The following TARBP2 variants were observed in gnomAD, a reference collection of about 807,000 sequenced individuals.
TARBP2 encodes the protein RISC-loading complex subunit TARBP2.
TARBP2 carries 23 observed loss-of-function variants against 40.4 expected under a neutral mutation model. That is an observed-to-expected ratio of 0.57 (90% confidence interval 0.41 to 0.81). The LOEUF (loss-of-function observed/expected upper bound fraction) is 0.81. Among genes scored for constraint, TARBP2 ranks in the 30% least tolerant of loss-of-function variants. The pLI is 0.00. For synonymous variants in TARBP2, 183 were observed against 190.5 expected (o/e 0.96, Z 0.32); for missense variants, 358 against 473.7 (o/e 0.76, Z 2.27).
chr12:53,502,817 G>A, intron 2 of TARBP2: 1 of 455,040 alleles, frequency 2.2e-6, no homozygotes, highest in Non-Finnish European at 3.9e-6. Flanking sequence ...CAGAAGTCCT[G>A]CTTGGCATGG....
chr12:53,505,533 G>C lies in TARBP2; in HGVS notation c.742-116G>C, dbSNP rs1159305732. 8.3e-7 allele frequency: 1 copy of C among 1,200,462 alleles called. No individual in the cohort carries two copies. The highest frequency in any genetic ancestry group is 1.2e-6 in the Non-Finnish European group (1 of 834,864). The allele number at this position is 1,200,462 out of a possible 1,614,324, so 74.4% of individuals were successfully genotyped here. ...GGGGCCACCCAGGGATTGACTGGGG[G>C]GAGGCAAGCTGGAGGAAGCATTCTT... On this transcript the variant is annotated intron_variant, in intron 7 of 8. Transcript: ENST00000266987. The surrounding 1 kb of genome is among the most constrained non-coding windows in gnomAD (Gnocchi z 4.5).
Position 53,503,081 on chromosome 12 carries a change from A to G in TARBP2, c.278A>G (p.Lys93Arg), listed in dbSNP as rs1170948533. ...CACAAGGCAGCTGAGGTGGCCCTCA[A>G]ACACCTCAAAGGGGGGAGCATGCTG... ...AKHKAAEVAL[K>R]HLKGGSMLEP... Residue 93 changes from lysine (K) to arginine (R), a missense_variant, in exon 3 of 9, where the codon AAA becomes AGA. Coordinates refer to ENST00000266987, the MANE Select transcript of TARBP2 (RefSeq NM_134323.2). 6.4e-7 allele frequency: 1 copy of G among 1,551,026 alleles called. No individual in the cohort carries two copies. Among genetic ancestry groups the G allele is most frequent in the South Asian group, 1.2e-5 (1 of 83,910 alleles).
chr12:53,501,962 T>C, intron 1 of TARBP2, 53 bp from the exon 2 acceptor site: 1 of 1,605,858 alleles, frequency 6.2e-7, no homozygotes, highest in East Asian at 2.2e-5. Flanking sequence ...AGTGCTTGGC[T>C]AGGTGGGTGC....
chr12:53,501,734 CTG>C, intron 1 of TARBP2: 1 of 1,424,754 alleles, frequency 7.0e-7, no homozygotes, highest in Non-Finnish European at 9.2e-7. Flanking sequence ...CTGGCTTGCA[CTG>C]TGTCAGGGGG....
At chr12:53,504,907 C>A in intron 6 of TARBP2, 92 bp downstream of exon 6, 1 of 1,507,442 alleles carries the variant, frequency 6.6e-7, no homozygotes, top group Non-Finnish European at 9.1e-7. Context: ...CTGCTACACC[C>A]CCTGCTCTCT....
rs778770074 is a variant in TARBP2, at chr12:53,505,273, C to T, written c.741+11C>T. 4.4e-6 allele frequency: 7 copies of T among 1,580,460 alleles called. No individual in the cohort carries two copies. The East Asian group carries it at 6.8e-5, about 15-fold the overall frequency. ...GACCACTTCTCCATTGTGAGTGGCT[C>T]ATGTGGGCCGGGCACCGTGGCCCAT... On this transcript the variant is annotated intron_variant, in intron 7 of 8. Coordinates refer to ENST00000266987, the MANE Select transcript of TARBP2 (RefSeq NM_134323.2). The surrounding 1 kb of genome is among the most constrained non-coding windows in gnomAD (Gnocchi z 4.5).
Position 53,505,536 on chromosome 12 carries a change from GGCAAGCTGGAGGAA to G in TARBP2, c.742-109_742-96del. On this transcript the variant is annotated intron_variant, in intron 7 of 8. Coordinates refer to ENST00000266987, the MANE Select transcript of TARBP2 (RefSeq NM_134323.2). This position sits in a 1 kb window ranked among gnomAD's most constrained non-coding sequence, Gnocchi z 4.5. ...GCCACCCAGGGATTGACTGGGGGGA[GGCAAGCTGGAGGAA>G]GCATTCTTTGTGCTTTGTTCTCCTT... 3 of 1,226,278 alleles carry G rather than the reference GGCAAGCTGGAGGAA, an allele frequency of 2.4e-6. No homozygotes were observed. Among genetic ancestry groups the G allele is most frequent in the Non-Finnish European group, 3.5e-6 (3 of 857,624 alleles). The allele number at this position is 1,226,278 out of a possible 1,614,324, so 76.0% of individuals were successfully genotyped here. A position where few individuals can be genotyped will look rare whatever the true frequency, so the allele number is the denominator to read the frequency against.
In TARBP2 at chr12:53,503,255, C is replaced by T. The variant is rs1943800076; in HGVS notation, c.326+126C>T. 2.8e-6 allele frequency: 4 copies of T among 1,418,842 alleles called. No homozygotes were observed. In the African/African-American group the frequency reaches 4.4e-5, roughly 16 times the overall value. 87.9% of individuals were successfully genotyped at this position (1,418,842 alleles called of 1,614,324 possible). Reference sequence around the variant, plus strand: ...TGACCTGGCCTCTTCCTGAGAGTCCCTCTGGACCTGAACAGGGTTTTCCAG... The same window carrying T: ...TGACCTGGCCTCTTCCTGAGAGTCCTTCTGGACCTGAACAGGGTTTTCCAG... On this transcript the variant is annotated intron_variant, in intron 3 of 8. Coordinates refer to ENST00000266987, the MANE Select transcript of TARBP2 (RefSeq NM_134323.2).
In TARBP2 at chr12:53,504,702, T is replaced by A; in HGVS notation, c.500T>A (p.Leu167Gln). ...ECNPVGALQELVVQKGWRLPE... is the reference protein window; with the variant it reads ...ECNPVGALQEQVVQKGWRLPE... The stretch of plus-strand genomic sequence containing the variant: ...ACCCTGTGTCTCCCTTCCAAGGAGC[T>A]GGTGGTGCAGAAAGGCTGGCGGTTG... Residue 167 changes from leucine to glutamine, a missense_variant, in exon 6 of 9, where the codon CTG becomes CAG. Leu to Gln is a moderately radical substitution (Grantham distance 113). Transcript: ENST00000266987. 1 of 1,614,172 alleles carries A rather than the reference T, an allele frequency of 6.2e-7. No individual in the cohort carries two copies. Among genetic ancestry groups the A allele is most frequent in the Non-Finnish European group, 8.5e-7 (1 of 1,180,036 alleles).
rs1943866903 is a variant in TARBP2, at chr12:53,504,431, C to T, written c.457C>T (p.Pro153Ser). ...CATGGAACTGCAGCCCCCTGTCTCCCCTCAGCAGTCTGAGTGCAACCCCGT... is the reference window on the plus strand; with the variant it reads ...CATGGAACTGCAGCCCCCTGTCTCCTCTCAGCAGTCTGAGTGCAACCCCGT... ...PPMELQPPVSPQQSECNPVGA... is the reference protein window; with the variant it reads ...PPMELQPPVSSQQSECNPVGA... The change falls in exon 5 of 9, where the codon CCT becomes TCT. Residue 153 changes from proline to serine, a missense_variant. Physicochemically the swap from Pro to Ser is moderately conservative, Grantham distance 74 (BLOSUM62 -1). Transcript: ENST00000266987. 2 of 1,612,690 alleles carry T rather than the reference C, an allele frequency of 1.2e-6. No homozygotes were observed. The highest frequency in any genetic ancestry group is 1.7e-6 in the Non-Finnish European group (2 of 1,179,296).
At chr12:53,503,883 C>A in intron 4 of TARBP2, 75 bp downstream of exon 4, 2 of 1,113,054 alleles carry the variant, frequency 1.8e-6, no homozygotes, top group Non-Finnish European at 2.8e-6. Flanking sequence ...TCCTTGGACC[C>A]AAGCTGGTCA....
rs1943689584 is a variant in TARBP2, at chr12:53,501,322, G to C, written c.-87G>C. The C allele has an allele frequency of 1.3e-6, 2 of 1,489,422 alleles. No homozygotes were observed. The highest frequency in any genetic ancestry group is 2.1e-5 in the Admixed American group (1 of 48,248). 92.3% of individuals were successfully genotyped at this position (1,489,422 alleles called of 1,614,324 possible). A position where few individuals can be genotyped will look rare whatever the true frequency, so the allele number is the denominator to read the frequency against. Reference sequence around the variant, plus strand: ...CGGGCCCTACCGGCCGCGACTCCGGGCTTGGCCCCGGCCCTAGCTCGTCGG... The same window carrying C: ...CGGGCCCTACCGGCCGCGACTCCGGCCTTGGCCCCGGCCCTAGCTCGTCGG... On this transcript the variant is annotated 5_prime_UTR_variant, in exon 1 of 9. Coordinates refer to ENST00000266987, the MANE Select transcript of TARBP2 (RefSeq NM_134323.2).
chr12:53,503,515 C>T, intron 3 of TARBP2, 198 bp from the exon 4 acceptor site: 1 of 590,398 alleles, frequency 1.7e-6, no homozygotes, highest in Non-Finnish European at 3.0e-6. Context: ...TTCTCTGAGA[C>T]TCTCTTTTCT....
chr12:53,506,423 GA>G lies in TARBP2; in HGVS notation c.*276del. The G allele has an allele frequency of 1.9e-6, 1 of 519,540 alleles. No individual in the cohort carries two copies. Among genetic ancestry groups the G allele is most frequent in the South Asian group, 2.9e-5 (1 of 33,976 alleles). 32.2% of individuals were successfully genotyped at this position (519,540 alleles called of 1,614,324 possible). A position where few individuals can be genotyped will look rare whatever the true frequency, so the allele number is the denominator to read the frequency against. ...CCTGGAATAAATATGCTGCTTTGTG[GA>G]TTTTTAAGCCCTTCTCTTCTGTTTC... is the stretch of plus-strand genomic sequence containing the variant. On this transcript the variant is annotated 3_prime_UTR_variant, in exon 9 of 9. Transcript: ENST00000266987.
In TARBP2 at chr12:53,505,997, T is replaced by C. The variant is rs2137274589; in HGVS notation, c.950T>C (p.Leu317Pro). 3 of 1,613,890 alleles carry C rather than the reference T, an allele frequency of 1.9e-6. No homozygotes were observed. In the East Asian group the frequency reaches 6.7e-5, roughly 36 times the overall value. The change falls in exon 9 of 9, where the codon CTG (leucine) becomes CCG (proline). Residue 317 changes from leucine to proline, a missense_variant. Coordinates refer to ENST00000266987, the MANE Select transcript of TARBP2 (RefSeq NM_134323.2). This position sits in a 1 kb window ranked among gnomAD's most constrained non-coding sequence, Gnocchi z 4.5. ...CCTCTCTCTTGCTCTCCAGAGGAGC[T>C]GAGCCTGAGTGGACTCTGCCAGTGC... ...FHVSYLDIEE[L>P]SLSGLCQCLV...
Position 53,504,708 on chromosome 12 carries a change from T to G in TARBP2, c.506T>G (p.Val169Gly). Residue 169 changes from valine to glycine, a missense_variant, in exon 6 of 9, where the codon GTG (valine) becomes GGG (glycine). By Grantham distance (109) the Val-to-Gly change is moderately radical. This residue lies in a region of TARBP2 where 317 missense variants were observed against 422.9 expected (regional missense o/e 0.75). Coordinates refer to ENST00000266987, the MANE Select transcript of TARBP2 (RefSeq NM_134323.2). ...NPVGALQELVVQKGWRLPEYT... is the reference protein window; with the variant it reads ...NPVGALQELVGQKGWRLPEYT... ...TGTCTCCCTTCCAAGGAGCTGGTGGTGCAGAAAGGCTGGCGGTTGCCGGAG... is the reference window on the plus strand; with the variant it reads ...TGTCTCCCTTCCAAGGAGCTGGTGGGGCAGAAAGGCTGGCGGTTGCCGGAG... 1 of 1,614,138 alleles carries G rather than the reference T, an allele frequency of 6.2e-7. No homozygotes were observed. Among genetic ancestry groups the G allele is most frequent in the Non-Finnish European group, 8.5e-7 (1 of 1,180,030 alleles).
chr12:53,501,389 C>G lies in TARBP2; in HGVS notation c.-20C>G, dbSNP rs577179415. ...GTGGAGGCTGCAGTCACGGTGGCGC[C>G]CGCGGGGACGGAGGAGGGAATGAGT... On this transcript the variant is annotated 5_prime_UTR_variant, in exon 1 of 9. Coordinates refer to ENST00000266987, the MANE Select transcript of TARBP2 (RefSeq NM_134323.2). 28 of 1,557,656 alleles carry G rather than the reference C, an allele frequency of 1.8e-5. No individual in the cohort carries two copies. The East Asian group carries it at 6.5e-4, about 36-fold the overall frequency.
At chr12:53,504,025 G>T in intron 4 of TARBP2, 1 of 598,484 alleles carries the variant, frequency 1.7e-6, no homozygotes. Flanking sequence ...AATGATGTCC[G>T]ACCATGTTTA....
Position 53,505,474 on chromosome 12 carries a change from C to T in TARBP2, c.742-175C>T, listed in dbSNP as rs990258388. On this transcript the variant is annotated intron_variant, in intron 7 of 8. Coordinates refer to ENST00000266987, the MANE Select transcript of TARBP2 (RefSeq NM_134323.2). The surrounding 1 kb of genome is among the most constrained non-coding windows in gnomAD (Gnocchi z 4.5). ...TCTGTTACTGGGGTGAGGAGGGATCCCTGGCCATCTGGCCCAGGGCCTGGT... is the reference window on the plus strand; with the variant it reads ...TCTGTTACTGGGGTGAGGAGGGATCTCTGGCCATCTGGCCCAGGGCCTGGT... 6.6e-6 allele frequency among the ~76,000 whole-genome samples: 1 copy of T among 152,174 alleles called. No homozygotes were observed. The highest frequency in any genetic ancestry group is 1.5e-5 in the Non-Finnish European group (1 of 68,024).
Sources: allele counts gnomAD v4.1 joint callset (sites outside exome capture counted in the v4.1 genomes callset), GRCh38; gene constraint gnomAD v4.1.1; regional missense constraint gnomAD v4.1.1; non-coding constraint Gnocchi (gnomAD v3.1); transcripts MANE v1.5; gene names NCBI Gene and HGNC (gene_info 2026-07-23, HGNC 2026-07-21).